Variants in AFF3 observed in about 807,000 individuals in gnomAD.
AFF3 encodes the protein AF4/FMR2 family member 3.
AFF3 carries 32 observed loss-of-function variants against 129.7 expected under a neutral mutation model. That is an observed-to-expected ratio of 0.25 (90% CI 0.19 to 0.33). AFF3 has a LOEUF of 0.33. AFF3 is among the 10% of genes least tolerant of loss of function. The probability of loss-of-function intolerance (pLI) is 1.00; values close to 1 mark genes in which losing one functional copy is unlikely to be tolerated. For missense variants in AFF3, 1,373 were observed against 1,592.0 expected (o/e 0.86, Z 2.34); for synonymous variants, 644 against 635.4 (o/e 1.01, Z -0.20).
intron 12 of AFF3, among the ~76,000 whole-genome samples, chr2:99,649,990 A>C (rs1439096449): frequency 6.6e-6 from 1 of 152,220 alleles, no homozygotes; most frequent in Non-Finnish European, 1.5e-5. Flanking sequence ...ACTTCTCTGA[A>C]ATCACTTTCC....
chr2:99,743,775 A>G (rs1680914606), intron 10 of AFF3, among the ~76,000 whole-genome samples: 2 of 152,134 alleles, frequency 1.3e-5, no homozygotes, highest in African/African-American at 4.8e-5. Context: ...CCTTTAATTT[A>G]GACAACCAAT....
chr2:99,592,917 C>A (rs1174406779), intron 15 of AFF3, among the ~76,000 whole-genome samples: 2 of 142,916 alleles, frequency 1.4e-5, no homozygotes, highest in African/African-American at 2.6e-5. Flanking sequence ...GCTTGGGCGA[C>A]AGAGTGAGAC....
Position 100,106,739 on chromosome 2 carries a change from T to C in AFF3, c.-144-1156A>G, listed in dbSNP as rs184649404. The C allele has an allele frequency of 3.0e-4, 291 of 985,722 alleles. 1 individual carries two copies. The African/African-American group carries it at 4.0e-3, about 14-fold the overall frequency. The allele number at this position is 985,722 out of a possible 1,614,324, so 61.1% of individuals were successfully genotyped here. A position where few individuals can be genotyped will look rare whatever the true frequency, so the allele number is the denominator to read the frequency against. ...GCTTTCCTTCCCTTCCCACCACATC[T>C]GTTTATACAAAGGAGGGCCGCTGAA... On this transcript the variant is annotated intron_variant, in intron 2 of 24. Transcript: ENST00000672756.
At chr2:99,802,338 G>C (rs1227280319) in intron 8 of AFF3, among the ~76,000 whole-genome samples, 4 of 152,186 alleles carry the variant, frequency 2.6e-5, no homozygotes, top group Non-Finnish European at 5.9e-5. Context: ...TGATCATGAA[G>C]TCTGACTGCA....
intron 11 of AFF3, among the ~76,000 whole-genome samples, chr2:99,697,609 G>A (rs995126451): frequency 1.3e-5 from 2 of 152,196 alleles, no homozygotes; most frequent in Admixed American, 6.5e-5. Context: ...AGGCCCTTGC[G>A]ATCAGAATAA....
chr2:100,092,134 A>G (rs1689910649), intron 4 of AFF3, among the ~76,000 whole-genome samples: 2 of 152,144 alleles, frequency 1.3e-5, no homozygotes, highest in Admixed American at 6.5e-5. Context: ...CTTCCTAGAG[A>G]CAATTTTATC....
chr2:99,698,045 A>G (rs1399432833), intron 11 of AFF3, among the ~76,000 whole-genome samples: 1 of 152,066 alleles, frequency 6.6e-6, no homozygotes, highest in Non-Finnish European at 1.5e-5. Context: ...CCAAGTGTGT[A>G]TCATCTGTAG....
intron 8 of AFF3, among the ~76,000 whole-genome samples, chr2:99,764,793 TCAC>T (rs1682877360): frequency 6.6e-6 from 1 of 152,160 alleles, no homozygotes; most frequent in South Asian, 2.1e-4. Context: ...GACTCCAACT[TCAC>T]CACGGAGTCC....
intron 8 of AFF3, among the ~76,000 whole-genome samples, chr2:99,768,017 A>T (rs939745940): frequency 6.6e-6 from 1 of 152,182 alleles, no homozygotes; most frequent in Non-Finnish European, 1.5e-5. Flanking sequence ...GGCTCAGGGC[A>T]ACTTCTGCTC....
chr2:99,931,799 C>T (rs1158471204), intron 7 of AFF3, among the ~76,000 whole-genome samples: 1 of 152,088 alleles, frequency 6.6e-6, no homozygotes, highest in Non-Finnish European at 1.5e-5. Flanking sequence ...ATCCCAGCTA[C>T]TAAAGAGGCT....
In AFF3 at chr2:99,768,702, C is replaced by G. The variant is rs368728719; in HGVS notation, c.922-16401G>C. ...GTCTGGTGTTGAGGAAATTCCTCAG[C>G]TTTTGTTTGTCTTAGAAAGTTTTAA... On this transcript the variant is annotated intron_variant, in intron 8 of 24. Transcript: ENST00000672756. 2.4e-4 allele frequency among the ~76,000 whole-genome samples: 37 copies of G among 152,262 alleles called. 1 individual carries two copies. The highest frequency in any genetic ancestry group is 1.7e-3 in the South Asian group (8 of 4,818).
At chr2:100,063,252 C>CAAAAA (rs33964775) in intron 4 of AFF3, among the ~76,000 whole-genome samples, 4 of 101,754 alleles carry the variant, frequency 3.9e-5, no homozygotes, top group East Asian at 2.8e-4. Flanking sequence ...AACTCCATCT[C>CAAAAA]AAAAAAAAAA....
chr2:99,777,947 C>CAAAAAAAAAAAAAAAG (rs1684053156), intron 8 of AFF3, among the ~76,000 whole-genome samples: 2 of 48,340 alleles, frequency 4.1e-5, no homozygotes, highest in Non-Finnish European at 7.6e-5. Context: ...AAAGCAAAAG[C>CAAAAAAAAAAAAAAAG]AAAAAAAAAA....
intron 7 of AFF3, among the ~76,000 whole-genome samples, chr2:99,846,061 T>C (rs946434278): frequency 1.1e-4 from 16 of 152,098 alleles, no homozygotes; most frequent in African/African-American, 3.4e-4. Context: ...CTCGATCTCC[T>C]GACCTCGTGA....
At chr2:99,935,566 A>G (rs933653357) in intron 7 of AFF3, among the ~76,000 whole-genome samples, 5 of 152,218 alleles carry the variant, frequency 3.3e-5, no homozygotes, top group Non-Finnish European at 5.9e-5. Flanking sequence ...GAAACATTCC[A>G]AAGTGTGCAG....
At chr2:99,846,959 C>A (rs979514335) in intron 7 of AFF3, among the ~76,000 whole-genome samples, 1 of 152,008 alleles carries the variant, frequency 6.6e-6, no homozygotes, top group Non-Finnish European at 1.5e-5. Flanking sequence ...TGAGGTGATA[C>A]GCTAGAAATA....
At chr2:100,107,407 A>G (rs959402141) in intron 2 of AFF3, 8 of 985,314 alleles carry the variant, frequency 8.1e-6, no homozygotes, top group Non-Finnish European at 9.6e-6. Flanking sequence ...AAGCAAAAAA[A>G]GGGTTTGGAC....
intron 4 of AFF3, among the ~76,000 whole-genome samples, chr2:100,027,443 T>C (rs1415455217): frequency 6.6e-6 from 1 of 152,178 alleles, no homozygotes; most frequent in African/African-American, 2.4e-5. Context: ...CAGACTGAAC[T>C]TGGGTACCAA....
intron 10 of AFF3, among the ~76,000 whole-genome samples, chr2:99,730,523 T>C (rs2105026511): frequency 6.6e-6 from 1 of 152,018 alleles, no homozygotes; most frequent in South Asian, 2.1e-4. Flanking sequence ...CAACTTTTTT[T>C]TTTTTTTTTT....
Sources: allele counts gnomAD v4.1 joint callset (sites outside exome capture counted in the v4.1 genomes callset), GRCh38; gene constraint gnomAD v4.1.1; transcripts MANE v1.5; gene names NCBI Gene and HGNC (gene_info 2026-07-23, HGNC 2026-07-21).